The following ST6GALNAC3 variants were observed in gnomAD, a reference collection of about 807,000 sequenced individuals.
ST6GALNAC3 encodes alpha-N-acetylgalactosaminide alpha-2,6-sialyltransferase 3.
ST6GALNAC3 carries 25 observed loss-of-function variants against 32.7 expected under a neutral mutation model. That is an observed-to-expected ratio of 0.76 (90% CI 0.56 to 1.07). The LOEUF (loss-of-function observed/expected upper bound fraction) is 1.07. Among genes scored for constraint, ST6GALNAC3 ranks in the 50% least tolerant of loss-of-function variants. ST6GALNAC3 has a pLI of 0.00. For synonymous variants in ST6GALNAC3, 129 were observed against 133.1 expected (o/e 0.97, Z 0.21); for missense variants, 355 against 382.4 (o/e 0.93, Z 0.60).
At chr1:76,344,569 T>C (rs1371180273) in intron 2 of ST6GALNAC3, among the ~76,000 whole-genome samples, 3 of 152,182 alleles carry the variant, frequency 2.0e-5, no homozygotes, top group East Asian at 3.9e-4. Context: ...TCTCTACTGC[T>C]TAGAAGAGTA....
chr1:76,373,418 G>T (rs1174325744), intron 2 of ST6GALNAC3, among the ~76,000 whole-genome samples: 1 of 152,142 alleles, frequency 6.6e-6, no homozygotes, highest in Non-Finnish European at 1.5e-5. Context: ...GGTGCCAAGG[G>T]TAGTTATTAC....
intron 1 of ST6GALNAC3, 32 bp from the exon 2 acceptor site, chr1:76,313,773 G>C (rs760779896): frequency 6.2e-7 from 1 of 1,608,994 alleles, no homozygotes; most frequent in Non-Finnish European, 8.5e-7. Flanking sequence ...AAAGTCATTC[G>C]TTCTTCTTTT....
chr1:76,081,285 TAAA>T lies in ST6GALNAC3; in HGVS notation c.18+6419_18+6421del, dbSNP rs10526487. Reference sequence around the variant, plus strand: ...CTAACACGAATGACAGCTGGTGAGCTAAAAAAAAAAAAAAAAAAAAGCAAATCG... The same window carrying T: ...CTAACACGAATGACAGCTGGTGAGCTAAAAAAAAAAAAAAAAAGCAAATCG... On this transcript the variant is annotated intron_variant, in intron 1 of 4. Transcript: ENST00000328299. Among the ~76,000 whole-genome samples, 8 of 120,562 alleles carry T rather than the reference TAAA, an allele frequency of 6.6e-5. No homozygotes were observed. In the East Asian group the frequency reaches 1.2e-3, roughly 19 times the overall value. The allele number at this position is 120,562 out of a possible 152,430, so 79.1% of individuals were successfully genotyped here. A position where few individuals can be genotyped will look rare whatever the true frequency, so the allele number is the denominator to read the frequency against.
chr1:76,335,110 C>T (rs542574187), intron 2 of ST6GALNAC3, among the ~76,000 whole-genome samples: 5 of 152,158 alleles, frequency 3.3e-5, no homozygotes, highest in Admixed American at 1.3e-4. Flanking sequence ...GCAGCAGTTG[C>T]GGTGGTAAGT....
chr1:76,396,923 A>C (rs1346326920), intron 2 of ST6GALNAC3, among the ~76,000 whole-genome samples: 1 of 152,182 alleles, frequency 6.6e-6, no homozygotes, highest in Non-Finnish European at 1.5e-5. Flanking sequence ...AAAGGGTAGT[A>C]ATTTTCAGTT....
chr1:76,126,682 C>G (rs1286579688), intron 1 of ST6GALNAC3, among the ~76,000 whole-genome samples: 3 of 152,146 alleles, frequency 2.0e-5, no homozygotes, highest in African/African-American at 7.2e-5. Flanking sequence ...TCCCTTTATG[C>G]TGGGCAAACA....
intron 3 of ST6GALNAC3, among the ~76,000 whole-genome samples, chr1:76,421,783 A>G (rs1222326666): frequency 6.6e-6 from 1 of 152,036 alleles, no homozygotes; most frequent in Non-Finnish European, 1.5e-5. Context: ...AAATTTGTAT[A>G]TAGACTAAGA....
chr1:76,498,606 T>G (rs1406673323), intron 3 of ST6GALNAC3, among the ~76,000 whole-genome samples: 1 of 152,196 alleles, frequency 6.6e-6, no homozygotes, highest in African/African-American at 2.4e-5. Context: ...GGTATTCATC[T>G]TCTAAAAATA....
rs188339255 is a variant in ST6GALNAC3 at position 76,587,140 on chromosome 1, A to C, written c.624-40312A>C. Among the ~76,000 whole-genome samples, 187 of 152,334 alleles carry C rather than the reference A, an allele frequency of 1.2e-3. No individual in the cohort carries two copies. The Middle Eastern group carries it at 0.014, about 11-fold the overall frequency. On this transcript the variant is annotated intron_variant, in intron 3 of 4. Coordinates refer to ENST00000328299, the MANE Select transcript of ST6GALNAC3 (RefSeq NM_152996.4). ...ATTATTCTTAGAATGACTTTATATT[A>C]GTCCTGATGGGTAGTACAGAATAAG...
chr1:76,338,694 T>C (rs954048892), intron 2 of ST6GALNAC3, among the ~76,000 whole-genome samples: 2 of 151,706 alleles, frequency 1.3e-5, no homozygotes, highest in Middle Eastern at 3.4e-3. Context: ...AAGCAAAAGA[T>C]GGCCCCCACC....
intron 1 of ST6GALNAC3, among the ~76,000 whole-genome samples, chr1:76,272,051 G>A (rs1658874215): frequency 6.6e-6 from 1 of 152,002 alleles, no homozygotes; most frequent in South Asian, 2.1e-4. Context: ...ATTAAAGCCG[G>A]GCGCGGTGGC....
chr1:76,241,310 G>C (rs771171629), intron 1 of ST6GALNAC3, among the ~76,000 whole-genome samples: 115 of 152,282 alleles, frequency 7.6e-4, no homozygotes, highest in Non-Finnish European at 1.4e-3. Context: ...GAAAGTTCAA[G>C]GTTGGGCATC....
At chr1:76,471,541 AT>A (rs1659031626) in intron 3 of ST6GALNAC3, among the ~76,000 whole-genome samples, 1 of 152,120 alleles carries the variant, frequency 6.6e-6, no homozygotes, top group African/African-American at 2.4e-5. Flanking sequence ...TTTATACTGG[AT>A]AAATACATGT....
At chr1:76,124,397 A>G (rs1294626224) in intron 1 of ST6GALNAC3, among the ~76,000 whole-genome samples, 2 of 152,210 alleles carry the variant, frequency 1.3e-5, no homozygotes, top group Admixed American at 1.3e-4. Context: ...CTTAGATGGC[A>G]TTGACTGGGC....
At chr1:76,240,144 G>C (rs1357781633) in intron 1 of ST6GALNAC3, among the ~76,000 whole-genome samples, 2 of 152,164 alleles carry the variant, frequency 1.3e-5, no homozygotes, top group African/African-American at 4.8e-5. Context: ...ATAATACACA[G>C]TACAGTGTCT....
At chr1:76,241,267 A>C (rs1656947359) in intron 1 of ST6GALNAC3, among the ~76,000 whole-genome samples, 1 of 152,224 alleles carries the variant, frequency 6.6e-6, no homozygotes, top group South Asian at 2.1e-4. Flanking sequence ...TACAGAAGAA[A>C]AGGTATCTTT....
intron 1 of ST6GALNAC3, among the ~76,000 whole-genome samples, chr1:76,283,674 A>C (rs1306716362): frequency 6.6e-6 from 1 of 152,208 alleles, no homozygotes; most frequent in South Asian, 2.1e-4. Flanking sequence ...TAATCAGATT[A>C]CTTTTCTATG....
chr1:76,559,331 AG>A (rs921339466), intron 3 of ST6GALNAC3, among the ~76,000 whole-genome samples: 2 of 152,196 alleles, frequency 1.3e-5, no homozygotes, highest in African/African-American at 4.8e-5. Context: ...CAAATGCAAA[AG>A]AATGAAGTTG....
At chr1:76,579,322 C>A (rs1570350951) in intron 3 of ST6GALNAC3, among the ~76,000 whole-genome samples, 2 of 152,102 alleles carry the variant, frequency 1.3e-5, no homozygotes, top group East Asian at 3.9e-4. Flanking sequence ...TCTTCCCAAC[C>A]CTTCTCCCAC....
Sources: gnomAD v4.1 joint callset for allele counts (sites outside exome capture counted in the v4.1 genomes callset) on GRCh38, gnomAD v4.1.1 for gene constraint, MANE v1.5 for transcripts, NCBI Gene and HGNC (gene_info 2026-07-23, HGNC 2026-07-21) for gene names.